The following RBMS3 variants were observed in gnomAD, a reference collection of about 807,000 sequenced individuals.
RBMS3 encodes the protein RNA binding motif single stranded interacting protein 3, also known as RNA-binding motif, single-stranded-interacting protein 3.
A neutral mutation model predicts 66.8 loss-of-function variants in RBMS3; 27 were observed. The observed-to-expected ratio is 0.40, with a 90% CI of 0.30 to 0.56. The LOEUF (loss-of-function observed/expected upper bound fraction) is 0.56. Ranked by LOEUF, RBMS3 falls within the 20% of genes least tolerant of loss-of-function variation. The pLI, the probability that RBMS3 is intolerant of heterozygous loss-of-function variation, is 0.40. For missense variants in RBMS3, 513 were observed against 549.5 expected, an observed-to-expected ratio of 0.93 and a Z score of 0.66; for synonymous variants, 188 against 183.0, an observed-to-expected ratio of 1.03 and a Z score of -0.22.
chr3:29,965,391 G>GT (rs895324721), intron 12 of RBMS3, among the ~76,000 whole-genome samples: 11 of 151,730 alleles, frequency 7.2e-5, no homozygotes, highest in East Asian at 1.9e-4. Flanking sequence ...ACAGCTACTG[G>GT]TTTTTTTTAT....
chr3:29,833,515 C>T (rs543333094), intron 6 of RBMS3, among the ~76,000 whole-genome samples: 1 of 152,182 alleles, frequency 6.6e-6, no homozygotes, highest in Admixed American at 6.5e-5. Context: ...AACAGAAATT[C>T]TGGAGCTGAA....
chr3:29,676,912 G>A (rs1365726726), intron 4 of RBMS3, among the ~76,000 whole-genome samples: 1 of 152,010 alleles, frequency 6.6e-6, no homozygotes, highest in East Asian at 1.9e-4. Flanking sequence ...CTTGACACTG[G>A]GTAATTTATG....
At chr3:29,793,076 A>G (rs2149430165) in intron 6 of RBMS3, among the ~76,000 whole-genome samples, 1 of 152,210 alleles carries the variant, frequency 6.6e-6, no homozygotes, top group South Asian at 2.1e-4. Context: ...TGTCTCTACT[A>G]AAAATACAAA....
intron 6 of RBMS3, among the ~76,000 whole-genome samples, chr3:29,807,577 T>G (rs967229793): frequency 1.3e-5 from 2 of 151,904 alleles, no homozygotes; most frequent in Admixed American, 1.3e-4. Context: ...ATAACTCAAG[T>G]GTCTTTCAAT....
intron 3 of RBMS3, among the ~76,000 whole-genome samples, chr3:29,567,457 C>T (rs1397172183): frequency 6.6e-6 from 1 of 152,106 alleles, no homozygotes; most frequent in African/African-American, 2.4e-5. Context: ...TCTGTGTTCT[C>T]CAGTAGGTAA....
chr3:29,843,358 T>G (rs1456212076), intron 6 of RBMS3, among the ~76,000 whole-genome samples: 1 of 152,214 alleles, frequency 6.6e-6, no homozygotes, highest in African/African-American at 2.4e-5. Context: ...AATCTAGAGA[T>G]AGCGGATCAT....
At position 29,652,232 on chromosome 3, in the gene RBMS3, T is replaced by C. The variant is rs544816718; in HGVS notation, c.399+65027T>C. On this transcript the variant is annotated intron_variant, in intron 4 of 14. Transcript: ENST00000383767. ...GGTTATGATTTCCTCAACGGTAATT[T>C]CAATTTCAGCTGTCTGGTTTTTATA... Among the ~76,000 whole-genome samples, 23 of 152,288 alleles carry C rather than the reference T, an allele frequency of 1.5e-4. No homozygotes were observed. In the South Asian group the frequency reaches 4.8e-3, roughly 32 times the overall value.
At chr3:29,697,795 C>T (rs1440957142) in intron 4 of RBMS3, among the ~76,000 whole-genome samples, 2 of 152,154 alleles carry the variant, frequency 1.3e-5, no homozygotes, top group Non-Finnish European at 2.9e-5. Flanking sequence ...CTGCGACCCA[C>T]CACATAAGAT....
At chr3:29,713,488 TC>T (rs1358286116) in intron 4 of RBMS3, among the ~76,000 whole-genome samples, 4 of 152,110 alleles carry the variant, frequency 2.6e-5, no homozygotes, top group Non-Finnish European at 5.9e-5. Context: ...GCTGGCTACA[TC>T]CTGTGCTGGC....
intron 3 of RBMS3, among the ~76,000 whole-genome samples, chr3:29,561,768 A>G (rs112807910): frequency 0.083 from 12,602 of 152,086 alleles, 576 homozygotes; most frequent in South Asian, 0.11. Flanking sequence ...TTTTAATAGT[A>G]GATATTCTGA....
chr3:29,701,655 G>GGGCCCGCACTCGGAGAGGCT (rs1277001808), intron 4 of RBMS3, among the ~76,000 whole-genome samples: 3 of 152,128 alleles, frequency 2.0e-5, no homozygotes, highest in Admixed American at 2.0e-4. Context: ...TGGGCTGGGC[G>GGGCCCGCACTCGGAGAGGCT]GGCCCGCACT....
chr3:29,330,876 C>T (rs993751822), intron 1 of RBMS3, among the ~76,000 whole-genome samples: 65 of 152,272 alleles, frequency 4.3e-4, no homozygotes, highest in African/African-American at 1.5e-3. Context: ...CTGCAGCACC[C>T]GGATGGTGAT....
At chr3:29,875,481 TAAAAG>T (rs1355476896) in intron 7 of RBMS3, among the ~76,000 whole-genome samples, 1 of 151,730 alleles carries the variant, frequency 6.6e-6, no homozygotes, top group Non-Finnish European at 1.5e-5. Flanking sequence ...ACACCACTAA[TAAAAG>T]AAAAGGAACT....
intron 4 of RBMS3, among the ~76,000 whole-genome samples, chr3:29,676,288 G>C (rs2051247310): frequency 6.6e-6 from 1 of 152,146 alleles, no homozygotes; most frequent in South Asian, 2.1e-4. Flanking sequence ...AGTGGGGGAA[G>C]GGGGGAAGGA....
chr3:29,322,345 G>C (rs2035057686), intron 1 of RBMS3, among the ~76,000 whole-genome samples: 1 of 151,894 alleles, frequency 6.6e-6, no homozygotes. Context: ...TCCGGAGTTT[G>C]TGTTTATTTA....
rs369523511 is a variant in RBMS3 at position 29,308,130 on chromosome 3, A to G, written c.75+26374A>G. Among the ~76,000 whole-genome samples, 50 of 152,008 alleles carry G rather than the reference A, an allele frequency of 3.3e-4. 1 individual carries two copies. In the South Asian group the frequency reaches 0.01, roughly 32 times the overall value. The stretch of plus-strand genomic sequence containing the variant: ...AGTAGTATAAATTTCTGTTATTTTT[A>G]AATACTTGTCAGCAGTATGTTTTGC... On this transcript the variant is annotated intron_variant, in intron 1 of 14. Coordinates refer to ENST00000383767, the MANE Select transcript of RBMS3 (RefSeq NM_001003793.3).
intron 1 of RBMS3, among the ~76,000 whole-genome samples, chr3:29,431,290 T>TTC (rs2041181222): frequency 8.6e-6 from 1 of 116,840 alleles, no homozygotes; most frequent in Non-Finnish European, 1.7e-5. Flanking sequence ...TCTTTCTTTC[T>TTC]TTTTCCTTTT....
Position 29,426,865 on chromosome 3 carries a change from G to GCTCA in RBMS3, c.76-7875_76-7874insACTC, listed in dbSNP as rs368052350. 6.0e-5 allele frequency among the ~76,000 whole-genome samples: 7 copies of GCTCA among 117,604 alleles called. No homozygotes were observed. The Admixed American group carries it at 8.8e-4, about 15-fold the overall frequency. 77.2% of individuals were successfully genotyped at this position (117,604 alleles called of 152,430 possible). A position where few individuals can be genotyped will look rare whatever the true frequency, so the allele number is the denominator to read the frequency against. On this transcript the variant is annotated intron_variant, in intron 1 of 14. Transcript: ENST00000383767. Reference sequence around the variant, plus strand: ...GAAAACAAAGAATTACTGAATATTGGCTCTGTGCCAGGCCCTGTGCTAAAC... The same window carrying GCTCA: ...GAAAACAAAGAATTACTGAATATTGGCTCACTCTGTGCCAGGCCCTGTGCTAAAC...
chr3:29,650,203 G>A (rs577318293), intron 4 of RBMS3, among the ~76,000 whole-genome samples: 1 of 151,670 alleles, frequency 6.6e-6, no homozygotes, highest in East Asian at 1.9e-4. Context: ...ACCCAGAAAC[G>A]AAGTGTATTT....
Sources: gnomAD v4.1 joint callset for allele counts (sites outside exome capture counted in the v4.1 genomes callset) on GRCh38, gnomAD v4.1.1 for gene constraint, MANE v1.5 for transcripts, NCBI Gene and HGNC (gene_info 2026-07-23, HGNC 2026-07-21) for gene names.